Variants in CNTN4 observed in about 807,000 individuals in gnomAD.
CNTN4 encodes contactin 4.
CNTN4 carries 77 observed loss-of-function variants against 122.5 expected under a neutral mutation model. The ratio of observed to expected loss-of-function variants is 0.63; its 90% CI spans 0.52 to 0.76. The LOEUF (loss-of-function observed/expected upper bound fraction) is 0.76, where lower values mean the gene tolerates loss of function less well. Ranked by LOEUF, CNTN4 falls within the 30% of genes least tolerant of loss-of-function variation. CNTN4 has a pLI of 0.00. For missense variants in CNTN4, 1,256 were observed against 1,259.1 expected (o/e 1.00, Z 0.04); for synonymous variants, 512 against 447.0 (o/e 1.15, Z -1.83).
chr3:2,584,027 A>C (rs1394361693), intron 4 of CNTN4, among the ~76,000 whole-genome samples: 2 of 152,178 alleles, frequency 1.3e-5, no homozygotes, highest in African/African-American at 2.4e-5. Context: ...CCTACCTGTA[A>C]TTATAGTTGC....
At chr3:3,012,954 G>C (rs1697385029) in intron 14 of CNTN4, among the ~76,000 whole-genome samples, 1 of 151,814 alleles carries the variant, frequency 6.6e-6, no homozygotes, top group Non-Finnish European at 1.5e-5. Context: ...GGCAACAAGA[G>C]CGAAATTCCA....
intron 10 of CNTN4, among the ~76,000 whole-genome samples, chr3:2,896,486 G>T (rs1295190165): frequency 6.6e-6 from 1 of 152,138 alleles, no homozygotes; most frequent in Non-Finnish European, 1.5e-5. Context: ...GATGGACCTT[G>T]CCCTGAAATC....
chr3:2,599,383 C>T (rs1033658210), intron 4 of CNTN4, among the ~76,000 whole-genome samples: 1 of 152,214 alleles, frequency 6.6e-6, no homozygotes, highest in African/African-American at 2.4e-5. Flanking sequence ...TAACATGTAG[C>T]ATTGCCATCT....
At chr3:2,123,107 A>T (rs1388972179) in intron 2 of CNTN4, among the ~76,000 whole-genome samples, 1 of 152,164 alleles carries the variant, frequency 6.6e-6, no homozygotes, top group Non-Finnish European at 1.5e-5. Context: ...ATCTTCTGAG[A>T]ACCCTCAGCC....
At chr3:2,475,898 T>G (rs1185464118) in intron 3 of CNTN4, among the ~76,000 whole-genome samples, 3 of 152,206 alleles carry the variant, frequency 2.0e-5, no homozygotes, top group African/African-American at 4.8e-5. Flanking sequence ...TTCTTTTGTT[T>G]AGTATTTCAG....
intron 4 of CNTN4, among the ~76,000 whole-genome samples, chr3:2,670,109 T>G (rs991953974): frequency 2.6e-5 from 4 of 152,202 alleles, no homozygotes; most frequent in Non-Finnish European, 5.9e-5. Flanking sequence ...CTATTAGGTC[T>G]GCTTGGTGCA....
At chr3:2,788,252 A>G (rs532277685) in intron 6 of CNTN4, among the ~76,000 whole-genome samples, 1 of 152,184 alleles carries the variant, frequency 6.6e-6, no homozygotes, top group African/African-American at 2.4e-5. Flanking sequence ...CAGGCACCCA[A>G]GGGAAATGGA....
chr3:2,863,353 A>G (rs2093689627), intron 7 of CNTN4, among the ~76,000 whole-genome samples: 4 of 151,344 alleles, frequency 2.6e-5, no homozygotes, highest in Admixed American at 6.6e-5. Flanking sequence ...TCAGGACTCC[A>G]CAGTATTTAC....
chr3:2,570,038 G>A (rs532728850), intron 3 of CNTN4, among the ~76,000 whole-genome samples: 1 of 149,374 alleles, frequency 6.7e-6, no homozygotes, highest in Non-Finnish European at 1.5e-5. Flanking sequence ...TTCACACATG[G>A]CGGGCTGGCA....
chr3:2,673,987 C>G (rs2084688005), intron 4 of CNTN4, among the ~76,000 whole-genome samples: 2 of 152,164 alleles, frequency 1.3e-5, no homozygotes, highest in African/African-American at 4.8e-5. Flanking sequence ...AGCAGACTGC[C>G]AGCACCAACT....
chr3:2,811,442 T>TTTTTA (rs200653952), intron 6 of CNTN4, among the ~76,000 whole-genome samples: 2,534 of 149,938 alleles, frequency 0.017, 48 homozygotes, highest in Middle Eastern at 0.038. Context: ...CTTTACTTTA[T>TTTTTA]TTTTATTTTA....
intron 2 of CNTN4, among the ~76,000 whole-genome samples, chr3:2,290,714 C>T (rs2042102674): frequency 6.6e-6 from 1 of 152,066 alleles, no homozygotes; most frequent in Non-Finnish European, 1.5e-5. Context: ...AACAGGAAGC[C>T]ATTGAAGAGT....
At chr3:2,272,465 G>A (rs1407862537) in intron 2 of CNTN4, among the ~76,000 whole-genome samples, 1 of 152,172 alleles carries the variant, frequency 6.6e-6, no homozygotes, top group Non-Finnish European at 1.5e-5. Flanking sequence ...TAGAGATACA[G>A]CAATCACTTA....
chr3:2,420,579 A>G (rs1410094874), intron 3 of CNTN4, among the ~76,000 whole-genome samples: 2 of 151,980 alleles, frequency 1.3e-5, no homozygotes, highest in African/African-American at 4.8e-5. Context: ...GGGACTACAG[A>G]CATGCACTAC....
At position 2,839,026 on chromosome 3, in the gene CNTN4, G is replaced by A. The variant is rs534046615; in HGVS notation, c.454+19445G>A. ...CTGGAAATACTGAATGATGAATGTC[G>A]TACTAATGGCCTCCTTCCTCTAGCT... On this transcript the variant is annotated intron_variant, in intron 7 of 24. Coordinates refer to ENST00000418658, the MANE Select transcript of CNTN4 (RefSeq NM_175607.3). Among the ~76,000 whole-genome samples, 112 of 152,146 alleles carry A rather than the reference G, an allele frequency of 7.4e-4. 2 individuals carry two copies. The highest frequency in any genetic ancestry group is 2.4e-3 in the African/African-American group (101 of 41,472).
chr3:2,152,959 C>A (rs1408857966), intron 2 of CNTN4, among the ~76,000 whole-genome samples: 11 of 152,156 alleles, frequency 7.2e-5, no homozygotes, highest in Non-Finnish European at 1.6e-4. Flanking sequence ...CAGCTCATCC[C>A]ACATTTGGAA....
intron 3 of CNTN4, among the ~76,000 whole-genome samples, chr3:2,472,901 A>C (rs1458970135): frequency 6.6e-6 from 1 of 152,002 alleles, no homozygotes; most frequent in Admixed American, 6.6e-5. Context: ...GAGGGGTAGG[A>C]GTGTGGTGAG....
chr3:2,925,966 A>G (rs1013704632), intron 13 of CNTN4, among the ~76,000 whole-genome samples, 187 bp downstream of exon 13: 2 of 152,224 alleles, frequency 1.3e-5, no homozygotes, highest in Admixed American at 6.5e-5. Context: ...GGATTTGGGA[A>G]TTCTACAAAG....
At chr3:2,542,528 C>A (rs1232839874) in intron 3 of CNTN4, among the ~76,000 whole-genome samples, 1 of 152,084 alleles carries the variant, frequency 6.6e-6, no homozygotes, top group Non-Finnish European at 1.5e-5. Context: ...CTTTCTATTC[C>A]TAACAGTGTG....
Sources: gnomAD v4.1 joint callset for allele counts (sites outside exome capture counted in the v4.1 genomes callset) on GRCh38, gnomAD v4.1.1 for gene constraint, MANE v1.5 for transcripts, NCBI Gene and HGNC (gene_info 2026-07-23, HGNC 2026-07-21) for gene names.